VTI1A: variants seen among roughly 807,000 people sequenced by gnomAD.
VTI1A encodes vesicle transport through interaction with t-SNAREs 1A.
A neutral mutation model predicts 34.9 loss-of-function variants in VTI1A; 22 were observed. The ratio of observed to expected loss-of-function variants is 0.63; its 90% CI spans 0.45 to 0.90. The LOEUF is 0.90. Ranked by LOEUF, VTI1A falls within the 40% of genes least tolerant of loss-of-function variation. The pLI is 0.00. For missense variants in VTI1A, 268 were observed against 275.6 expected, an observed-to-expected ratio of 0.97 and a Z score of 0.20; for synonymous variants, 87 against 97.3, an observed-to-expected ratio of 0.89 and a Z score of 0.62.
chr10:112,806,653 G>A (rs962378028), intron 7 of VTI1A, among the ~76,000 whole-genome samples: 4 of 151,654 alleles, frequency 2.6e-5, no homozygotes, highest in East Asian at 1.9e-4. Flanking sequence ...CAGTGCAATC[G>A]TGGCTCATTG....
chr10:112,470,388 C>T (rs1219217253), intron 3 of VTI1A, among the ~76,000 whole-genome samples: 1 of 152,110 alleles, frequency 6.6e-6, no homozygotes, highest in Non-Finnish European at 1.5e-5. Context: ...AAGTAAGAGA[C>T]TCAAAGTAGG....
intron 5 of VTI1A, among the ~76,000 whole-genome samples, chr10:112,638,040 C>T (rs1259652563): frequency 1.3e-5 from 2 of 152,222 alleles, no homozygotes; most frequent in African/African-American, 2.4e-5. Flanking sequence ...TTGAATTACT[C>T]TATAGCCTTC....
chr10:112,804,880 AG>A (rs747649157), intron 7 of VTI1A, among the ~76,000 whole-genome samples: 1 of 77,308 alleles, frequency 1.3e-5, no homozygotes, highest in Admixed American at 2.0e-4. Flanking sequence ...TTTTTTTTTG[AG>A]ACAGAGTCCT....
At chr10:112,636,728 C>CA (rs10667914) in intron 5 of VTI1A, among the ~76,000 whole-genome samples, 2,895 of 111,618 alleles carry the variant, frequency 0.026, 143 homozygotes, top group East Asian at 0.098. Flanking sequence ...GACTCGATCT[C>CA]AAAAAAAAAA....
intron 5 of VTI1A, among the ~76,000 whole-genome samples, chr10:112,567,501 A>C (rs1851948139): frequency 6.6e-6 from 1 of 152,180 alleles, no homozygotes; most frequent in African/African-American, 2.4e-5. Flanking sequence ...TCCTATCAGA[A>C]ATAATAGGTT....
chr10:112,814,484 T>C (rs1020275357), intron 7 of VTI1A, among the ~76,000 whole-genome samples: 2 of 152,130 alleles, frequency 1.3e-5, no homozygotes, highest in African/African-American at 2.4e-5. Flanking sequence ...AGGTAACAAA[T>C]TATGAAACAA....
At chr10:112,454,805 A>G (rs955656214) in intron 1 of VTI1A, among the ~76,000 whole-genome samples, 1 of 152,132 alleles carries the variant, frequency 6.6e-6, no homozygotes, top group Admixed American at 6.5e-5. Context: ...TCAGGACAAC[A>G]GACCCACCCC....
At chr10:112,471,561 C>T (rs1028762588) in intron 3 of VTI1A, among the ~76,000 whole-genome samples, 2 of 151,994 alleles carry the variant, frequency 1.3e-5, no homozygotes, top group Non-Finnish European at 2.9e-5. Context: ...GAGCCAGAAT[C>T]AGAATCGAGT....
rs10682533 is a variant in VTI1A at position 112,537,311 on chromosome 10, GTA to G, written c.343-909_343-908del. 2.1e-3 allele frequency among the ~76,000 whole-genome samples: 135 copies of G among 65,258 alleles called. 10 individuals carry two copies. Among genetic ancestry groups the G allele is most frequent in the East Asian group, 5.3e-3 (16 of 3,010 alleles). 42.8% of individuals were successfully genotyped at this position (65,258 alleles called of 152,430 possible). A position where few individuals can be genotyped will look rare whatever the true frequency, so the allele number is the denominator to read the frequency against. Reference sequence around the variant, plus strand: ...CATTTATATATTTCTAAGTATCTAGGTATATATATATATATATATATATATAT... The same window carrying G: ...CATTTATATATTTCTAAGTATCTAGGTATATATATATATATATATATATAT... On this transcript the variant is annotated intron_variant, in intron 4 of 7. Transcript: ENST00000393077.
chr10:112,850,808 T>G, the VTI1A span, among the ~76,000 whole-genome samples: 4 of 152,194 alleles, frequency 2.6e-5, no homozygotes, highest in African/African-American at 9.7e-5. Context: ...CAGCGCCTTC[T>G]TGGCACAGGG....
In VTI1A at chr10:112,657,035, C is replaced by T. The variant is rs181645864; in HGVS notation, c.428-11183C>T. On this transcript the variant is annotated intron_variant, in intron 5 of 7. Transcript: ENST00000393077. ...CTGTAAGCCATGCCCGCCCACCCTT[C>T]GCTTTCCGTCATGACTGAAAGCTCC... is the stretch of plus-strand genomic sequence containing the variant. 9.9e-5 allele frequency among the ~76,000 whole-genome samples: 15 copies of T among 152,266 alleles called. No individual in the cohort carries two copies. In the East Asian group the frequency reaches 1.4e-3, roughly 14 times the overall value.
intron 2 of VTI1A, among the ~76,000 whole-genome samples, chr10:112,462,361 A>G (rs1847754795): frequency 6.6e-6 from 1 of 152,178 alleles, no homozygotes; most frequent in Non-Finnish European, 1.5e-5. Context: ...TTTCATTTTA[A>G]GTGCTTGTTG....
chr10:112,526,745 C>T (rs1850240607), intron 3 of VTI1A, among the ~76,000 whole-genome samples: 1 of 151,632 alleles, frequency 6.6e-6, no homozygotes, highest in South Asian at 2.1e-4. Context: ...TAAGTACAAT[C>T]TAGTGAGTTT....
chr10:112,631,078 G>A (rs1417976130), intron 5 of VTI1A, among the ~76,000 whole-genome samples: 1 of 151,892 alleles, frequency 6.6e-6, no homozygotes, highest in African/African-American at 2.4e-5. Flanking sequence ...GCAGTGAGCC[G>A]AGATCGCGCC....
chr10:112,636,274 C>T (rs1846349813), intron 5 of VTI1A, among the ~76,000 whole-genome samples: 1 of 152,206 alleles, frequency 6.6e-6, no homozygotes, highest in Non-Finnish European at 1.5e-5. Flanking sequence ...CATCAACTCA[C>T]ATAGTTGACA....
At chr10:112,810,599 A>G (rs984587762) in intron 7 of VTI1A, among the ~76,000 whole-genome samples, 4 of 152,004 alleles carry the variant, frequency 2.6e-5, no homozygotes, top group African/African-American at 9.7e-5. Context: ...AGTTGCTGAG[A>G]TCCACTCTGT....
intron 1 of VTI1A, among the ~76,000 whole-genome samples, chr10:112,460,018 T>A (rs1405200110): frequency 6.6e-6 from 1 of 152,182 alleles, no homozygotes; most frequent in Non-Finnish European, 1.5e-5. Context: ...TAGCTTTCGG[T>A]TTGGAATCAG....
intron 4 of VTI1A, among the ~76,000 whole-genome samples, chr10:112,537,211 T>G (rs1326503902): frequency 6.6e-6 from 1 of 150,766 alleles, no homozygotes; most frequent in African/African-American, 2.4e-5. Flanking sequence ...AAAACTGATT[T>G]GAGAAGGGAA....
At chr10:112,778,945 CTGAG>C (rs755004413) in intron 7 of VTI1A, among the ~76,000 whole-genome samples, 1 of 152,064 alleles carries the variant, frequency 6.6e-6, no homozygotes, top group Non-Finnish European at 1.5e-5. Context: ...AGTTCAGGAA[CTGAG>C]TGACACATTT....
Sources: gnomAD v4.1 joint callset for allele counts (sites outside exome capture counted in the v4.1 genomes callset) on GRCh38, gnomAD v4.1.1 for gene constraint, MANE v1.5 for transcripts, NCBI Gene and HGNC (gene_info 2026-07-23, HGNC 2026-07-21) for gene names.